Variants in MACC1 observed in about 807,000 individuals in gnomAD.
The protein encoded by MACC1 is metastasis-associated in colon cancer protein 1.
Under a neutral mutation model 70.7 loss-of-function variants are expected in MACC1, and 79 were observed. That is an observed-to-expected ratio of 1.12 (90% CI 0.93 to 1.35). The LOEUF (loss-of-function observed/expected upper bound fraction) is 1.35. MACC1 is among the 40% of genes most tolerant of loss of function. The pLI is 0.00. For synonymous variants in MACC1, 361 were observed against 347.2 expected, an observed-to-expected ratio of 1.04 and a Z score of -0.44; for missense variants, 1,106 against 978.1, an observed-to-expected ratio of 1.13 and a Z score of -1.74.
chr7:20,210,720 C>A (rs1291820156), intron 1 of MACC1, among the ~76,000 whole-genome samples: 1 of 152,172 alleles, frequency 6.6e-6, no homozygotes, highest in Non-Finnish European at 1.5e-5. Flanking sequence ...TGGCATCTTT[C>A]TTGTTCACTG....
At chr7:20,172,291 T>A (rs778139541) in intron 1 of MACC1, among the ~76,000 whole-genome samples, 76 of 152,168 alleles carry the variant, frequency 5.0e-4, no homozygotes, top group Non-Finnish European at 8.1e-4. Context: ...TGTTTTAAAA[T>A]CCAAACCTCT....
At chr7:20,200,585 GAC>G (rs1782819765) in intron 1 of MACC1, among the ~76,000 whole-genome samples, 1 of 152,218 alleles carries the variant, frequency 6.6e-6, no homozygotes, top group African/African-American at 2.4e-5. Flanking sequence ...AGACATGAGA[GAC>G]AGAGTGATGT....
At chr7:20,196,909 G>A (rs1782762838) in intron 1 of MACC1, among the ~76,000 whole-genome samples, 1 of 152,094 alleles carries the variant, frequency 6.6e-6, no homozygotes, top group African/African-American at 2.4e-5. Context: ...GCATTCTCAA[G>A]TCACCCCACA....
Position 20,168,305 on chromosome 7 carries a change from G to A in MACC1, c.-153+2409C>T, listed in dbSNP as rs1487769086. 2.0e-5 allele frequency among the ~76,000 whole-genome samples: 3 copies of A among 151,868 alleles called. No homozygotes were observed. The South Asian group carries it at 6.2e-4, about 32-fold the overall frequency. On this transcript the variant is annotated intron_variant, in intron 2 of 6. Coordinates refer to ENST00000400331, the MANE Select transcript of MACC1 (RefSeq NM_182762.4). ...AAAACAAAATAAGTGAATAAATAAG[G>A]GTGACATTTGCAGGAAGTTGGTAGG...
At position 20,189,793 on chromosome 7, in the gene MACC1, AAGAG is replaced by A. The variant is rs533968483; in HGVS notation, c.-217-19019_-217-19016del. On this transcript the variant is annotated intron_variant, in intron 1 of 6. Transcript: ENST00000400331. ...CACACACATACACAGAGAGAGAAAAAAGAGAGAGAGAGAGAGTAAAAGAAAGACT... is the reference window on the plus strand; with the variant it reads ...CACACACATACACAGAGAGAGAAAAAAGAGAGAGAGAGTAAAAGAAAGACT... 6.1e-3 allele frequency among the ~76,000 whole-genome samples: 928 copies of A among 151,338 alleles called. 8 individuals are homozygous for A. The highest frequency in any genetic ancestry group is 7.8e-3 in the Non-Finnish European group (530 of 67,682).
At chr7:20,149,931 C>A (rs1781950081) in intron 6 of MACC1, among the ~76,000 whole-genome samples, 1 of 152,134 alleles carries the variant, frequency 6.6e-6, no homozygotes, top group African/African-American at 2.4e-5. Flanking sequence ...TAAGTACTTG[C>A]CCTTAATAGC....
At chr7:20,190,262 C>T (rs1782653017) in intron 1 of MACC1, among the ~76,000 whole-genome samples, 18 of 152,130 alleles carry the variant, frequency 1.2e-4, no homozygotes, top group Admixed American at 1.2e-3. Context: ...GTCACTAATG[C>T]CGTTTCTATC....
chr7:20,148,870 G>T (rs1050534452), intron 6 of MACC1, among the ~76,000 whole-genome samples: 13 of 152,138 alleles, frequency 8.5e-5, no homozygotes, highest in African/African-American at 3.1e-4. Context: ...TTTTACAACT[G>T]GTATGTGAAT....
intron 5 of MACC1, 79 bp downstream of exon 5, chr7:20,158,125 T>C (rs1782081390): frequency 6.8e-7 from 1 of 1,461,096 alleles, no homozygotes; most frequent in African/African-American, 1.4e-5. Flanking sequence ...ATTTCTCCTC[T>C]CACATGTTCA....
At chr7:20,199,792 AAAGTT>A (rs1421987751) in intron 1 of MACC1, among the ~76,000 whole-genome samples, 29 of 152,348 alleles carry the variant, frequency 1.9e-4, no homozygotes, top group African/African-American at 6.5e-4. Context: ...TCTTGTTCTT[AAAGTT>A]AAGAAAAACT....
intron 1 of MACC1, among the ~76,000 whole-genome samples, chr7:20,189,010 C>A (rs1782633011): frequency 6.6e-6 from 1 of 152,122 alleles, no homozygotes; most frequent in Non-Finnish European, 1.5e-5. Flanking sequence ...CTGGCCTTAC[C>A]TTTCATTTCT....
At chr7:20,183,959 C>T (rs568923819) in intron 1 of MACC1, among the ~76,000 whole-genome samples, 2 of 152,116 alleles carry the variant, frequency 1.3e-5, no homozygotes, top group Non-Finnish European at 1.5e-5. Context: ...TCATCCACCT[C>T]AGCCTCCCAA....
At chr7:20,190,780 T>C (rs1014762764) in intron 1 of MACC1, among the ~76,000 whole-genome samples, 10 of 152,234 alleles carry the variant, frequency 6.6e-5, no homozygotes, top group Non-Finnish European at 1.2e-4. Flanking sequence ...GAATAATCAG[T>C]GGACATATTC....
intron 1 of MACC1, among the ~76,000 whole-genome samples, chr7:20,180,607 G>A (rs954014727): frequency 6.6e-6 from 1 of 152,180 alleles, no homozygotes; most frequent in Non-Finnish European, 1.5e-5. Flanking sequence ...CACTTTGGGA[G>A]AACAAGGTGG....
At chr7:20,194,226 A>G (rs1442299595) in intron 1 of MACC1, among the ~76,000 whole-genome samples, 1 of 152,144 alleles carries the variant, frequency 6.6e-6, no homozygotes, top group East Asian at 1.9e-4. Flanking sequence ...CTTTTTTTAT[A>G]TCCTAATTTT....
At chr7:20,145,334 C>T (rs1362951831) in intron 6 of MACC1, among the ~76,000 whole-genome samples, 2 of 151,964 alleles carry the variant, frequency 1.3e-5, no homozygotes, top group Middle Eastern at 3.4e-3. Flanking sequence ...AGAGAATAGT[C>T]GGGGGCATAC....
chr7:20,182,844 C>G (rs1393371161), intron 1 of MACC1, among the ~76,000 whole-genome samples: 1 of 152,122 alleles, frequency 6.6e-6, no homozygotes, highest in Non-Finnish European at 1.5e-5. Context: ...ACAATAGCAG[C>G]AATATCTACA....
intron 3 of MACC1, 102 bp from the exon 4 acceptor site, chr7:20,161,972 T>A: frequency 2.9e-6 from 2 of 695,402 alleles, no homozygotes; most frequent in Middle Eastern, 3.7e-4. Flanking sequence ...AAGAACTACA[T>A]GTGAAAATCC....
chr7:20,183,557 T>C (rs749641735), intron 1 of MACC1, among the ~76,000 whole-genome samples: 43 of 152,320 alleles, frequency 2.8e-4, no homozygotes, highest in Non-Finnish European at 5.9e-4. Flanking sequence ...GTAATTTGTT[T>C]TGTAGAAATG....
Sources: gnomAD v4.1 joint callset for allele counts (sites outside exome capture counted in the v4.1 genomes callset) on GRCh38, gnomAD v4.1.1 for gene constraint, MANE v1.5 for transcripts, NCBI Gene and HGNC (gene_info 2026-07-23, HGNC 2026-07-21) for gene names.